The following FHIT variants were observed in gnomAD, a reference collection of about 807,000 sequenced individuals.
FHIT encodes bis(5'-adenosyl)-triphosphatase.
In FHIT, 19 loss-of-function variants were observed where a neutral mutation model predicts 17.9. That is an observed-to-expected ratio of 1.06 (90% CI 0.74 to 1.56). FHIT has a LOEUF of 1.56. Among genes scored for constraint, FHIT ranks in the 40% most tolerant of loss-of-function variants. The pLI is 0.00. For missense variants in FHIT, 248 were observed against 189.2 expected (o/e 1.31, Z -1.82); for synonymous variants, 81 against 69.7 (o/e 1.16, Z -0.81).
chr3:60,010,830 T>G (rs2106679250), intron 7 of FHIT, among the ~76,000 whole-genome samples: 1 of 152,060 alleles, frequency 6.6e-6, no homozygotes, highest in Non-Finnish European at 1.5e-5. Context: ...AGGTTTGAAC[T>G]TTGGTATTAA....
chr3:60,236,796 C>A (rs1258814096), intron 5 of FHIT, among the ~76,000 whole-genome samples: 2 of 152,142 alleles, frequency 1.3e-5, no homozygotes, highest in African/African-American at 2.4e-5. Flanking sequence ...CCTTATCACT[C>A]CTTTTAATCC....
At chr3:60,758,965 G>T (rs1575488742) in intron 4 of FHIT, among the ~76,000 whole-genome samples, 1 of 152,172 alleles carries the variant, frequency 6.6e-6, no homozygotes, top group African/African-American at 2.4e-5. Flanking sequence ...TAAAGGAAAA[G>T]ATGAAGCAAG....
intron 5 of FHIT, among the ~76,000 whole-genome samples, chr3:60,479,674 A>G (rs2033515805): frequency 6.6e-6 from 1 of 152,168 alleles, no homozygotes; most frequent in South Asian, 2.1e-4. Flanking sequence ...TGGGTGAGTG[A>G]GCATTACTGC....
chr3:59,851,122 G>C (rs571059485), intron 8 of FHIT, among the ~76,000 whole-genome samples: 1 of 152,234 alleles, frequency 6.6e-6, no homozygotes, highest in Non-Finnish European at 1.5e-5. Flanking sequence ...CTTCTAACAA[G>C]GTCAATCTGG....
intron 3 of FHIT, among the ~76,000 whole-genome samples, chr3:60,971,572 T>G (rs1710014994): frequency 6.6e-6 from 1 of 152,158 alleles, no homozygotes; most frequent in African/African-American, 2.4e-5. Context: ...AGGGGCTTGT[T>G]GGAACTGAAG....
At chr3:59,943,644 A>G (rs1706649317) in intron 7 of FHIT, among the ~76,000 whole-genome samples, 1 of 152,122 alleles carries the variant, frequency 6.6e-6, no homozygotes, top group South Asian at 2.1e-4. Context: ...AGACTTTGCT[A>G]CTCTCTCAAG....
chr3:59,798,483 G>T (rs1160166859), intron 8 of FHIT, among the ~76,000 whole-genome samples: 1 of 152,166 alleles, frequency 6.6e-6, no homozygotes, highest in Non-Finnish European at 1.5e-5. Flanking sequence ...ATTGCTGCTT[G>T]GGTACCTACA....
chr3:61,093,219 G>A (rs949069577), intron 2 of FHIT, among the ~76,000 whole-genome samples: 7 of 152,144 alleles, frequency 4.6e-5, no homozygotes, highest in African/African-American at 1.7e-4. Context: ...AGCACACAAC[G>A]ATAAACGTTT....
At chr3:60,278,421 G>A (rs945426911) in intron 5 of FHIT, among the ~76,000 whole-genome samples, 10 of 152,140 alleles carry the variant, frequency 6.6e-5, no homozygotes, top group African/African-American at 2.4e-4. Flanking sequence ...CGAAAAAAGG[G>A]CTCAGAACAT....
chr3:60,235,592 T>A lies in FHIT; in HGVS notation c.104-221440A>T. 2.6e-5 allele frequency among the ~76,000 whole-genome samples: 4 copies of A among 152,268 alleles called. No individual in the cohort carries two copies. The Middle Eastern group carries it at 0.014, about 518-fold the overall frequency. The stretch of plus-strand genomic sequence containing the variant: ...TTTGAGAAACTCAAGAAGGAAACAT[T>A]GTATACAGACTCAGACTTAACCTCA... On this transcript the variant is annotated intron_variant, in intron 5 of 9. Transcript: ENST00000492590.
intron 5 of FHIT, among the ~76,000 whole-genome samples, chr3:60,227,459 T>C (rs962130582): frequency 6.6e-6 from 1 of 152,172 alleles, no homozygotes; most frequent in Non-Finnish European, 1.5e-5. Context: ...TTGATTCAAG[T>C]GTGTTATGTT....
intron 5 of FHIT, among the ~76,000 whole-genome samples, chr3:60,193,371 T>C (rs561836610): frequency 9.9e-5 from 15 of 152,264 alleles, no homozygotes; most frequent in African/African-American, 3.1e-4. Flanking sequence ...CATTTGTCTT[T>C]CCAGGCTAAC....
chr3:60,204,373 G>A (rs752864557), intron 5 of FHIT, among the ~76,000 whole-genome samples: 8 of 151,752 alleles, frequency 5.3e-5, no homozygotes, highest in African/African-American at 1.2e-4. Flanking sequence ...GGGCTCAAGC[G>A]ATCCTCCCAC....
intron 5 of FHIT, among the ~76,000 whole-genome samples, chr3:60,294,946 G>T (rs1277615402): frequency 1.3e-5 from 2 of 152,100 alleles, no homozygotes; most frequent in African/African-American, 4.8e-5. Context: ...CATCTGGATT[G>T]CTTCTAGTTT....
chr3:59,782,340 A>G (rs1051602768), intron 8 of FHIT, among the ~76,000 whole-genome samples: 4 of 152,198 alleles, frequency 2.6e-5, no homozygotes, highest in African/African-American at 7.2e-5. Flanking sequence ...TGTAATAAAG[A>G]TAGAGTTATT....
intron 2 of FHIT, among the ~76,000 whole-genome samples, chr3:61,046,823 C>T (rs914886763): frequency 2.0e-5 from 3 of 152,102 alleles, no homozygotes; most frequent in Non-Finnish European, 4.4e-5. Flanking sequence ...CCCTGGGATG[C>T]AAGGATGGTT....
intron 3 of FHIT, among the ~76,000 whole-genome samples, chr3:61,036,212 G>C (rs1363052811): frequency 6.6e-6 from 1 of 152,118 alleles, no homozygotes; most frequent in African/African-American, 2.4e-5. Context: ...AGAACAGAGT[G>C]TGGTAGGTTC....
At chr3:60,233,378 C>CTA (rs1559748629) in intron 5 of FHIT, among the ~76,000 whole-genome samples, 1 of 152,092 alleles carries the variant, frequency 6.6e-6, no homozygotes, top group Admixed American at 6.5e-5. Context: ...GACCTTCAGA[C>CTA]AGGCTCTTTT....
At chr3:59,779,532 G>T (rs977439346) in intron 8 of FHIT, among the ~76,000 whole-genome samples, 1 of 152,174 alleles carries the variant, frequency 6.6e-6, no homozygotes, top group Non-Finnish European at 1.5e-5. Context: ...CATGAGGCAG[G>T]CATAAAGGGT....
Sources: allele counts gnomAD v4.1 joint callset (sites outside exome capture counted in the v4.1 genomes callset), GRCh38; gene constraint gnomAD v4.1.1; transcripts MANE v1.5; gene names NCBI Gene and HGNC (gene_info 2026-07-23, HGNC 2026-07-21).